Variants in GABRB3 observed in about 807,000 individuals in gnomAD.
The protein encoded by GABRB3 is gamma-aminobutyric acid type A receptor subunit beta3.
Under a neutral mutation model 52.1 loss-of-function variants are expected in GABRB3, and 14 were observed. The observed-to-expected ratio is 0.27, with a 90% CI of 0.18 to 0.42. GABRB3 has a LOEUF of 0.42. Among genes scored for constraint, GABRB3 ranks in the 10% least tolerant of loss-of-function variants. The probability of loss-of-function intolerance (pLI) is 1.00; values close to 1 mark genes in which losing one functional copy is unlikely to be tolerated. For missense variants in GABRB3, 307 were observed against 609.1 expected, an observed-to-expected ratio of 0.50 and a Z score of 5.22; for synonymous variants, 260 against 232.3, an observed-to-expected ratio of 1.12 and a Z score of -1.08.
chr15:26,594,823 T>C (rs181926521), intron 4 of GABRB3, among the ~76,000 whole-genome samples: 28 of 152,304 alleles, frequency 1.8e-4, no homozygotes, highest in Admixed American at 1.6e-3. Context: ...GAAAATGTTT[T>C]AACAAGAATT....
chr15:26,555,438 T>C (rs1301065815), intron 8 of GABRB3, among the ~76,000 whole-genome samples: 2 of 152,180 alleles, frequency 1.3e-5, no homozygotes, highest in Non-Finnish European at 2.9e-5. Flanking sequence ...TATGAATCCA[T>C]GTCCTGTCTT....
At chr15:26,728,082 C>T (rs147629011) in intron 3 of GABRB3, among the ~76,000 whole-genome samples, 1 of 152,274 alleles carries the variant, frequency 6.6e-6, no homozygotes, top group Non-Finnish European at 1.5e-5. Flanking sequence ...CCATCCCAGA[C>T]CATCCAGATA....
chr15:26,740,238 C>T (rs1275095112), intron 3 of GABRB3, among the ~76,000 whole-genome samples: 1 of 152,030 alleles, frequency 6.6e-6, no homozygotes, highest in African/African-American at 2.4e-5. Flanking sequence ...GGGAAGCCCA[C>T]AGGGGACACA....
chr15:26,770,809 T>C (rs1891123965), intron 3 of GABRB3, among the ~76,000 whole-genome samples: 1 of 152,256 alleles, frequency 6.6e-6, no homozygotes. Flanking sequence ...AGTGTGGATC[T>C]TAAATGTATT....
Position 26,611,108 on chromosome 15 carries a change from A to T in GABRB3, c.461+10206T>A, listed in dbSNP as rs568518419. Among the ~76,000 whole-genome samples, 46 of 152,314 alleles carry T rather than the reference A, an allele frequency of 3.0e-4. No homozygotes were observed. In the South Asian group the frequency reaches 8.5e-3, roughly 28 times the overall value. On this transcript the variant is annotated intron_variant, in intron 4 of 8. Coordinates refer to ENST00000311550, the MANE Select transcript of GABRB3 (RefSeq NM_000814.6). ...ACACCTGATATTCACAGACTATTTT[A>T]AAAAATGGCGAACAAGGAAGTAACT...
intron 6 of GABRB3, among the ~76,000 whole-genome samples, chr15:26,575,009 A>T (rs1890544820): frequency 6.6e-6 from 1 of 152,188 alleles, no homozygotes; most frequent in Non-Finnish European, 1.5e-5. Context: ...ACTCTCAATA[A>T]ATACAAGTTC....
intron 3 of GABRB3, chr15:26,642,409 C>CTG: frequency 9.0e-7 from 1 of 1,105,622 alleles, no homozygotes; most frequent in Non-Finnish European, 1.2e-6. Context: ...TGAGGGGCAA[C>CTG]TGTGTATATA....
chr15:26,757,651 A>G (rs1890699750), intron 3 of GABRB3, among the ~76,000 whole-genome samples: 1 of 152,210 alleles, frequency 6.6e-6, no homozygotes, highest in African/African-American at 2.4e-5. Flanking sequence ...ATCAACACGG[A>G]GCAATTGAAC....
In GABRB3 at chr15:26,672,554, A is replaced by G. The variant is rs114687727; in HGVS notation, c.241-51020T>C. 7.2e-3 allele frequency among the ~76,000 whole-genome samples: 1,092 copies of G among 152,298 alleles called. 19 individuals are homozygous for G. Among genetic ancestry groups the G allele is most frequent in the African/African-American group, 0.025 (1,059 of 41,558 alleles). Reference sequence around the variant, plus strand: ...TGCCCCTATGCACATAAAATTTAGCAGTAATAAGTTAGTAGGCCTTTTCTT... The same window carrying G: ...TGCCCCTATGCACATAAAATTTAGCGGTAATAAGTTAGTAGGCCTTTTCTT... On this transcript the variant is annotated intron_variant, in intron 3 of 8. Coordinates refer to ENST00000311550, the MANE Select transcript of GABRB3 (RefSeq NM_000814.6).
At chr15:26,640,479 T>G (rs1314138849) in intron 3 of GABRB3, among the ~76,000 whole-genome samples, 2 of 152,040 alleles carry the variant, frequency 1.3e-5, no homozygotes, top group African/African-American at 4.8e-5. Flanking sequence ...ATCACGCCAC[T>G]GCACTCCAGC....
chr15:26,756,689 G>C (rs931933952), intron 3 of GABRB3, among the ~76,000 whole-genome samples: 2 of 134,006 alleles, frequency 1.5e-5, no homozygotes, highest in African/African-American at 5.7e-5. Flanking sequence ...TATGTATAAA[G>C]TCACATATGT....
chr15:26,762,678 G>T (rs1461392460), intron 3 of GABRB3, among the ~76,000 whole-genome samples: 1 of 152,168 alleles, frequency 6.6e-6, no homozygotes, highest in African/African-American at 2.4e-5. Flanking sequence ...AATATTATTT[G>T]AGCAGAAACA....
chr15:26,724,834 G>GC (rs1248246318), intron 3 of GABRB3, among the ~76,000 whole-genome samples: 1 of 151,808 alleles, frequency 6.6e-6, no homozygotes, highest in Admixed American at 6.6e-5. Flanking sequence ...TGTTCCCTTT[G>GC]CCCCCCCTCA....
intron 3 of GABRB3, among the ~76,000 whole-genome samples, chr15:26,721,566 C>T (rs1889644506): frequency 6.6e-6 from 1 of 151,762 alleles, no homozygotes; most frequent in African/African-American, 2.4e-5. Context: ...CTCACAGCTG[C>T]ACATGGGCAT....
intron 3 of GABRB3, among the ~76,000 whole-genome samples, chr15:26,700,844 A>C (rs1888906552): frequency 6.6e-6 from 1 of 152,222 alleles, no homozygotes; most frequent in Non-Finnish European, 1.5e-5. Context: ...TCATGAGGTC[A>C]GGAGGTCGAG....
chr15:26,636,349 G>T (rs1316096364), intron 3 of GABRB3, among the ~76,000 whole-genome samples: 1 of 152,118 alleles, frequency 6.6e-6, no homozygotes, highest in Non-Finnish European at 1.5e-5. Flanking sequence ...CAACTTGCTA[G>T]CTTGTAATTA....
At chr15:26,685,136 G>C (rs975170958) in intron 3 of GABRB3, among the ~76,000 whole-genome samples, 10 of 152,126 alleles carry the variant, frequency 6.6e-5, no homozygotes, top group African/African-American at 2.2e-4. Context: ...AGCTCCAGGT[G>C]GTGACAAGTG....
intron 4 of GABRB3, among the ~76,000 whole-genome samples, chr15:26,588,686 C>T (rs1276589060): frequency 1.3e-5 from 2 of 152,112 alleles, no homozygotes; most frequent in Non-Finnish European, 1.5e-5. Flanking sequence ...TTGATACTTA[C>T]ACATATTATA....
chr15:26,595,968 G>C (rs968276323), intron 4 of GABRB3, among the ~76,000 whole-genome samples: 1 of 152,070 alleles, frequency 6.6e-6, no homozygotes, highest in Non-Finnish European at 1.5e-5. Context: ...GCCCCTGTTC[G>C]TAAGTTCTCA....
Sources: gnomAD v4.1 joint callset for allele counts (sites outside exome capture counted in the v4.1 genomes callset) on GRCh38, gnomAD v4.1.1 for gene constraint, MANE v1.5 for transcripts, NCBI Gene and HGNC (gene_info 2026-07-23, HGNC 2026-07-21) for gene names.